The following SORBS2 variants were observed in gnomAD, a reference collection of about 807,000 sequenced individuals.
SORBS2 encodes the protein sorbin and SH3 domain containing 2.
SORBS2 carries 46 observed loss-of-function variants against 97.7 expected under a neutral mutation model. That is an observed-to-expected ratio of 0.47 (90% CI 0.37 to 0.60). SORBS2 has a LOEUF of 0.60. Among genes scored for constraint, SORBS2 ranks in the 20% least tolerant of loss-of-function variants. The probability of loss-of-function intolerance (pLI) is 0.00; values close to 1 mark genes in which losing one functional copy is unlikely to be tolerated. For missense variants in SORBS2, 1,316 were observed against 1,282.3 expected (o/e 1.03, Z -0.40); for synonymous variants, 476 against 473.4 (o/e 1.01, Z -0.07).
intron 12 of SORBS2, among the ~76,000 whole-genome samples, chr4:185,598,492 G>A (rs1377014794): frequency 6.6e-6 from 1 of 152,158 alleles, no homozygotes; most frequent in East Asian, 1.9e-4. Flanking sequence ...ATCTTAGTGA[G>A]CTACAGTCTG....
At chr4:185,589,522 C>T (rs923044671) in intron 14 of SORBS2, among the ~76,000 whole-genome samples, 157 bp downstream of exon 26, 1 of 152,122 alleles carries the variant, frequency 6.6e-6, no homozygotes, top group Non-Finnish European at 1.5e-5. Flanking sequence ...ATTAAAAATG[C>T]AATAGCCTTG....
At chr4:185,840,509 C>A (rs1330288957) in intron 1 of SORBS2, among the ~76,000 whole-genome samples, 1 of 152,094 alleles carries the variant, frequency 6.6e-6, no homozygotes, top group African/African-American at 2.4e-5. Context: ...CTGAGTGGTT[C>A]AAAACCCTTT....
intron 2 of SORBS2, among the ~76,000 whole-genome samples, chr4:185,760,039 T>C (rs1236108352): frequency 6.6e-6 from 1 of 152,230 alleles, no homozygotes; most frequent in African/African-American, 2.4e-5. Context: ...TACTCAAGGA[T>C]AGCCCAGCTT....
chr4:185,831,513 A>T (rs557767579), intron 1 of SORBS2, among the ~76,000 whole-genome samples: 1 of 152,206 alleles, frequency 6.6e-6, no homozygotes, highest in African/African-American at 2.4e-5. Context: ...AAGATGTTAG[A>T]ATAGGAAAGG....
chr4:185,823,148 T>C (rs920726643), intron 1 of SORBS2, among the ~76,000 whole-genome samples: 1 of 152,210 alleles, frequency 6.6e-6, no homozygotes, highest in Non-Finnish European at 1.5e-5. Context: ...GATTCAGTGA[T>C]GTGACCATAC....
At chr4:185,725,432 G>A (rs978200727) in intron 2 of SORBS2, among the ~76,000 whole-genome samples, 5 of 152,144 alleles carry the variant, frequency 3.3e-5, no homozygotes, top group African/African-American at 4.8e-5. Context: ...CATACTTGCC[G>A]TCTAATTTAG....
At position 185,674,626 on chromosome 4, in the gene SORBS2, C is replaced by T. The variant is rs190693157; in HGVS notation, c.-46+3797G>A. ...GTAAATGTCAAAATCCTTGCAATGG[C>T]TTATAAGGCCTCCTGTCATCTGGTC... On this transcript the variant is annotated intron_variant, in intron 4 of 20. Coordinates refer to the SORBS2 transcript ENST00000284776. 3.3e-5 allele frequency among the ~76,000 whole-genome samples: 5 copies of T among 152,316 alleles called. No homozygotes were observed. In the East Asian group the frequency reaches 9.6e-4, roughly 29 times the overall value.
At chr4:185,649,696 C>A (rs201139252) in intron 2 of SORBS2, 40 bp from the exon 12 acceptor site, 4 of 1,257,350 alleles carry the variant, frequency 3.2e-6, no homozygotes, top group African/African-American at 1.5e-5. Flanking sequence ...AAAACAGAAG[C>A]AAATCACCTC....
intron 2 of SORBS2, among the ~76,000 whole-genome samples, chr4:185,707,181 A>G (rs999460478): frequency 2.0e-5 from 3 of 152,170 alleles, no homozygotes; most frequent in Non-Finnish European, 2.9e-5. Context: ...CACAACAACC[A>G]AACAAGCTAA....
intron 4 of SORBS2, 134 bp from the exon 8 acceptor site, chr4:185,662,376 T>C: frequency 1.1e-6 from 1 of 884,896 alleles, no homozygotes. Context: ...TTTTGAAAAC[T>C]GATGTCAGAG....
chr4:185,811,558 T>C (rs1438459388), intron 1 of SORBS2, 106 bp downstream of exon 1: 1 of 152,250 alleles, frequency 6.6e-6, no homozygotes, highest in Non-Finnish European at 1.5e-5. Flanking sequence ...TGTCTGTGTA[T>C]GTTTGTTTGG....
chr4:185,668,320 A>T (rs922988796), intron 4 of SORBS2, among the ~76,000 whole-genome samples: 8 of 152,200 alleles, frequency 5.3e-5, no homozygotes, highest in African/African-American at 1.9e-4. Context: ...GTCCACAGAA[A>T]ACAAAATTAT....
In SORBS2 at chr4:185,606,891, T is replaced by A. The variant is rs973628379; in HGVS notation, c.2796+4889A>T. ...ACGCAGAGGCCACAAAATTATCCCC[T>A]AGGACTTCTGGTGCCTTTTTAGGGT... On this transcript the variant is annotated intron_variant, in intron 12 of 14. Coordinates refer to ENST00000418609, the Ensembl canonical transcript of SORBS2. This position sits in a 1 kb window ranked among gnomAD's most constrained non-coding sequence, Gnocchi z 4.3. 2.0e-6 allele frequency: 2 copies of A among 988,668 alleles called. No individual in the cohort carries two copies. The highest frequency in any genetic ancestry group is 3.5e-5 in the African/African-American group (2 of 57,244). 61.2% of individuals were successfully genotyped at this position (988,668 alleles called of 1,614,324 possible). A position where few individuals can be genotyped will look rare whatever the true frequency, so the allele number is the denominator to read the frequency against.
intron 2 of SORBS2, among the ~76,000 whole-genome samples, chr4:185,712,455 C>G (rs2098429238): frequency 6.6e-6 from 1 of 152,214 alleles, no homozygotes; most frequent in Non-Finnish European, 1.5e-5. Context: ...CTCATTTTTC[C>G]TGGATGCCAG....
At chr4:185,865,575 G>C (rs1416541855) in intron 1 of SORBS2, among the ~76,000 whole-genome samples, 3 of 144,580 alleles carry the variant, frequency 2.1e-5, no homozygotes, top group African/African-American at 7.3e-5. Flanking sequence ...TTCTGGAATG[G>C]GAACACGGAA....
intron 11 of SORBS2, among the ~76,000 whole-genome samples, chr4:185,613,388 G>A (rs747382898): frequency 1.3e-5 from 2 of 152,160 alleles, no homozygotes; most frequent in South Asian, 4.1e-4. Context: ...AATCGCTCAC[G>A]CCTGTAATCC....
intron 12 of SORBS2, among the ~76,000 whole-genome samples, chr4:185,596,080 A>T (rs1408729904): frequency 1.3e-5 from 2 of 152,198 alleles, no homozygotes; most frequent in Non-Finnish European, 2.9e-5. Context: ...AATATTATTT[A>T]TTCTTGTCTT....
intron 1 of SORBS2, among the ~76,000 whole-genome samples, chr4:185,819,987 T>A (rs916249864): frequency 2.6e-5 from 4 of 152,218 alleles, no homozygotes; most frequent in Admixed American, 2.0e-4. Flanking sequence ...TATTATCTAA[T>A]TCTGAGGGCG....
intron 2 of SORBS2, chr4:185,757,463 G>A (rs928585628): frequency 1.3e-5 from 2 of 152,364 alleles, no homozygotes; most frequent in African/African-American, 4.8e-5. Context: ...TTCTGTTAAT[G>A]TTCCTTTTTC....
Sources: allele counts gnomAD v4.1 joint callset (sites outside exome capture counted in the v4.1 genomes callset), GRCh38; gene constraint gnomAD v4.1.1; non-coding constraint Gnocchi (gnomAD v3.1); transcripts MANE v1.5; gene names NCBI Gene and HGNC (gene_info 2026-07-23, HGNC 2026-07-21).